AGTPBP1: variants seen among roughly 807,000 people sequenced by gnomAD.
The protein encoded by AGTPBP1 is cytosolic carboxypeptidase 1.
A neutral mutation model predicts 143.9 loss-of-function variants in AGTPBP1; 70 were observed. The observed-to-expected ratio is 0.49, with a 90% CI of 0.40 to 0.59. The LOEUF is 0.59. Ranked by LOEUF, AGTPBP1 falls within the 20% of genes least tolerant of loss-of-function variation. The pLI, the probability that AGTPBP1 is intolerant of heterozygous loss-of-function variation, is 0.00. For synonymous variants in AGTPBP1, 463 were observed against 500.2 expected (o/e 0.93, Z 0.99); for missense variants, 1,229 against 1,464.5 (o/e 0.84, Z 2.62).
At chr9:85,640,955 A>G (rs1832424088) in intron 13 of AGTPBP1, among the ~76,000 whole-genome samples, 1 of 152,228 alleles carries the variant, frequency 6.6e-6, no homozygotes, top group Non-Finnish European at 1.5e-5. Flanking sequence ...AAGTACAGAA[A>G]TAAACAATTT....
intron 1 of AGTPBP1, among the ~76,000 whole-genome samples, chr9:85,725,891 C>CA (rs577864430): frequency 1.5e-4 from 22 of 149,020 alleles, no homozygotes; most frequent in East Asian, 1.2e-3. Flanking sequence ...ACTAAAAATA[C>CA]AAAAAAAAAT....
At chr9:85,587,948 C>T (rs1828716534) in intron 21 of AGTPBP1, among the ~76,000 whole-genome samples, 1 of 151,206 alleles carries the variant, frequency 6.6e-6, no homozygotes. Flanking sequence ...GTTCATGCCA[C>T]TAATAAAAAA....
chr9:85,579,693 T>G (rs1413085625), intron 23 of AGTPBP1, among the ~76,000 whole-genome samples: 2 of 150,818 alleles, frequency 1.3e-5, no homozygotes, highest in Non-Finnish European at 2.9e-5. Context: ...ATTGTGATAC[T>G]GATATAGGAA....
chr9:85,768,331 T>C, the AGTPBP1 span, among the ~76,000 whole-genome samples: 9 of 152,324 alleles, frequency 5.9e-5, no homozygotes, highest in African/African-American at 2.2e-4. Flanking sequence ...AATTCAAAAG[T>C]CAAGTACAGT....
intron 1 of AGTPBP1, among the ~76,000 whole-genome samples, chr9:85,729,655 C>G (rs1838749672): frequency 6.6e-6 from 1 of 151,554 alleles, no homozygotes; most frequent in Non-Finnish European, 1.5e-5. Context: ...GGGTTAATAT[C>G]TTAAATACAT....
chr9:85,660,698 T>C (rs1833802327), intron 9 of AGTPBP1, among the ~76,000 whole-genome samples: 1 of 152,212 alleles, frequency 6.6e-6, no homozygotes. Flanking sequence ...AAATAAGAAA[T>C]CAATGTGCTT....
the AGTPBP1 span, among the ~76,000 whole-genome samples, chr9:85,787,554 C>G: frequency 2.0e-5 from 3 of 151,956 alleles, no homozygotes; most frequent in Admixed American, 6.6e-5. Flanking sequence ...ACTAAAATCT[C>G]CAAGTTTTTC....
At chr9:85,802,136 C>G in the AGTPBP1 span, among the ~76,000 whole-genome samples, 1 of 152,134 alleles carries the variant, frequency 6.6e-6, no homozygotes, top group South Asian at 2.1e-4. Context: ...TTAATTCAAG[C>G]CTCCACTCTC....
intron 25 of AGTPBP1, among the ~76,000 whole-genome samples, chr9:85,573,546 C>T (rs1827669982): frequency 1.3e-5 from 2 of 151,968 alleles, no homozygotes; most frequent in Non-Finnish European, 2.9e-5. Context: ...AAGTGAGGAG[C>T]GTCTCTGCCT....
At chr9:85,741,473 G>A (rs896117181) in intron 1 of AGTPBP1, 6 of 985,260 alleles carry the variant, frequency 6.1e-6, no homozygotes, top group Non-Finnish European at 7.2e-6. Context: ...CCTCCGCCCA[G>A]AGACCGCGCC....
At chr9:85,738,254 T>C (rs999138298) in intron 1 of AGTPBP1, among the ~76,000 whole-genome samples, 2 of 152,164 alleles carry the variant, frequency 1.3e-5, no homozygotes, top group South Asian at 2.1e-4. Flanking sequence ...AACCAAAAGT[T>C]TGAAAGCATT....
intron 10 of AGTPBP1, 32 bp downstream of exon 10, chr9:85,657,403 A>G (rs770852577): frequency 3.5e-5 from 53 of 1,529,598 alleles, no homozygotes; most frequent in Admixed American, 1.2e-4. Context: ...TTATTAGTAC[A>G]TAATCACAAT....
chr9:85,554,508 C>T (rs1392535369), intron 25 of AGTPBP1, among the ~76,000 whole-genome samples: 1 of 152,160 alleles, frequency 6.6e-6, no homozygotes, highest in East Asian at 1.9e-4. Context: ...CTACAGCTTA[C>T]AAAGCCAGGA....
intron 14 of AGTPBP1, among the ~76,000 whole-genome samples, chr9:85,630,567 C>A (rs1267766821): frequency 6.6e-6 from 1 of 152,034 alleles, no homozygotes; most frequent in Non-Finnish European, 1.5e-5. Flanking sequence ...GCAGCCTCTG[C>A]CTCCTGGGTT....
intron 19 of AGTPBP1, 83 bp from the exon 20 acceptor site, chr9:85,589,764 A>AT (rs1828842005): frequency 7.7e-7 from 1 of 1,300,468 alleles, no homozygotes; most frequent in African/African-American, 1.5e-5. Context: ...AGATCTCCAC[A>AT]TAACTAGAAG....
chr9:85,679,508 T>C (rs2134144434), intron 4 of AGTPBP1, among the ~76,000 whole-genome samples: 1 of 152,034 alleles, frequency 6.6e-6, no homozygotes, highest in African/African-American at 2.4e-5. Flanking sequence ...CCCGGGTTCA[T>C]GCCATTCTCC....
At chr9:85,675,385 G>A (rs890586188) in intron 6 of AGTPBP1, among the ~76,000 whole-genome samples, 9 of 151,678 alleles carry the variant, frequency 5.9e-5, no homozygotes, top group East Asian at 3.9e-4. Flanking sequence ...AATATTTCAC[G>A]TGTCTTACTG....
At chr9:85,788,922 T>C in the AGTPBP1 span, among the ~76,000 whole-genome samples, 3 of 151,776 alleles carry the variant, frequency 2.0e-5, no homozygotes, top group Admixed American at 6.6e-5. Context: ...GATTAAGTAA[T>C]GTGCTATGCG....
the AGTPBP1 span, among the ~76,000 whole-genome samples, chr9:85,793,869 C>T: frequency 6.6e-6 from 1 of 152,002 alleles, no homozygotes; most frequent in South Asian, 2.1e-4. Context: ...TATTTATTTC[C>T]TGAAAATATA....
Sources: allele counts gnomAD v4.1 joint callset (sites outside exome capture counted in the v4.1 genomes callset), GRCh38; gene constraint gnomAD v4.1.1; transcripts MANE v1.5; gene names NCBI Gene and HGNC (gene_info 2026-07-23, HGNC 2026-07-21).